Variants in BARX2 observed in about 807,000 individuals in gnomAD.
BARX2 encodes the protein BARX homeobox 2, also known as homeobox protein BarH-like 2.
In BARX2, 11 loss-of-function variants were observed where a neutral mutation model predicts 25.5. The ratio of observed to expected loss-of-function variants is 0.43; its 90% CI spans 0.27 to 0.71. The LOEUF (loss-of-function observed/expected upper bound fraction) is 0.71. BARX2 is among the 30% of genes least tolerant of loss of function. The pLI is 0.19. For missense variants in BARX2, 360 were observed against 359.9 expected (o/e 1.00, Z 0.00); for synonymous variants, 137 against 149.5 (o/e 0.92, Z 0.61).
At chr11:129,416,774 G>A (rs1302637169) in intron 1 of BARX2, among the ~76,000 whole-genome samples, 2 of 151,688 alleles carry the variant, frequency 1.3e-5, no homozygotes, top group South Asian at 2.1e-4. Context: ...CTGGATGGAT[G>A]GTTTCCACTG....
At chr11:129,437,733 AGT>A (rs1426283348) in intron 2 of BARX2, 1 of 153,430 alleles carries the variant, frequency 6.5e-6, no homozygotes, top group African/African-American at 2.4e-5. Flanking sequence ...CATATGCCAG[AGT>A]GTGTGTCTGG....
chr11:129,392,804 TC>T (rs1248710737), intron 1 of BARX2, among the ~76,000 whole-genome samples: 4 of 151,778 alleles, frequency 2.6e-5, no homozygotes, highest in African/African-American at 9.7e-5. Flanking sequence ...AGAGACGGGG[TC>T]TTGTCATGTT....
intron 1 of BARX2, among the ~76,000 whole-genome samples, chr11:129,396,594 C>G (rs1861723608): frequency 6.6e-6 from 1 of 151,872 alleles, no homozygotes; most frequent in South Asian, 2.1e-4. Context: ...TGGTTCATTT[C>G]AAGTTAATCT....
chr11:129,399,020 G>A (rs112947644), intron 1 of BARX2, among the ~76,000 whole-genome samples: 3 of 152,276 alleles, frequency 2.0e-5, no homozygotes, highest in African/African-American at 4.8e-5. Flanking sequence ...GCAGTTCAAC[G>A]TAGGGATATT....
At chr11:129,379,095 T>C (rs901672996) in intron 1 of BARX2, among the ~76,000 whole-genome samples, 3 of 152,226 alleles carry the variant, frequency 2.0e-5, no homozygotes, top group Non-Finnish European at 4.4e-5. Flanking sequence ...AACACAATAA[T>C]TTTAGTCTTG....
At chr11:129,403,935 A>C (rs1365654316) in intron 1 of BARX2, among the ~76,000 whole-genome samples, 2 of 152,174 alleles carry the variant, frequency 1.3e-5, no homozygotes, top group Non-Finnish European at 2.9e-5. Context: ...TATGTTGCCC[A>C]GGCTAACTAG....
chr11:129,410,893 C>T lies in BARX2; in HGVS notation c.188-25858C>T, dbSNP rs1042751522. Among the ~76,000 whole-genome samples the T allele has an allele frequency of 5.3e-5, 8 of 152,222 alleles. No homozygotes were observed. In the East Asian group the frequency reaches 5.8e-4, roughly 11 times the overall value. ...GTCCAGACCCTCTTCAGATCCTGAA[C>T]TATTGAGATCATGTTCTCCTCACAG... On this transcript the variant is annotated intron_variant, in intron 1 of 3. Transcript: ENST00000281437.
intron 1 of BARX2, among the ~76,000 whole-genome samples, chr11:129,411,363 T>G (rs11823272): frequency 0.16 from 20,192 of 122,416 alleles, 1,633 homozygotes; most frequent in East Asian, 0.39. Context: ...AGAGTGAGAC[T>G]CCATCTCCAA....
intron 1 of BARX2, among the ~76,000 whole-genome samples, chr11:129,387,968 A>G (rs955443986): frequency 6.6e-6 from 1 of 152,186 alleles, no homozygotes; most frequent in Non-Finnish European, 1.5e-5. Flanking sequence ...GGTCACACGA[A>G]TAAGTGGCAG....
At chr11:129,406,079 T>C (rs539560926) in intron 1 of BARX2, among the ~76,000 whole-genome samples, 32 of 152,358 alleles carry the variant, frequency 2.1e-4, no homozygotes, top group African/African-American at 7.0e-4. Context: ...CTACTGAGCA[T>C]AGCACAGTGC....
At chr11:129,413,998 A>G (rs1197387138) in intron 1 of BARX2, among the ~76,000 whole-genome samples, 2 of 151,810 alleles carry the variant, frequency 1.3e-5, no homozygotes, top group Admixed American at 6.6e-5. Flanking sequence ...CCTGGGAGGC[A>G]GAGCTTGCAG....
At chr11:129,384,773 T>A (rs1246763478) in intron 1 of BARX2, among the ~76,000 whole-genome samples, 8 of 152,220 alleles carry the variant, frequency 5.3e-5, no homozygotes, top group African/African-American at 1.9e-4. Flanking sequence ...CTTTATACCC[T>A]AAACCATATT....
At chr11:129,375,543 C>G (rs955094815), upstream of BARX2, among the ~76,000 whole-genome samples, 1 of 151,974 alleles carries the variant, frequency 6.6e-6, no homozygotes, top group African/African-American at 2.4e-5. The surrounding 1 kb of genome is among the most constrained non-coding windows in gnomAD (Gnocchi z 4.0). Context: ...TGCGCGCTCC[C>G]CGCACCGCGC....
intron 1 of BARX2, among the ~76,000 whole-genome samples, chr11:129,426,245 T>C (rs1862061258): frequency 6.6e-6 from 1 of 152,138 alleles, no homozygotes; most frequent in South Asian, 2.1e-4. Flanking sequence ...GGCTTACAGA[T>C]TATGCGTATG....
intron 1 of BARX2, among the ~76,000 whole-genome samples, chr11:129,408,237 C>T (rs1335773314): frequency 6.6e-6 from 1 of 152,016 alleles, no homozygotes; most frequent in African/African-American, 2.4e-5. Context: ...AAGATATATT[C>T]GGTTCTGTTG....
At chr11:129,388,431 G>A (rs1460014541) in intron 1 of BARX2, among the ~76,000 whole-genome samples, 4 of 152,126 alleles carry the variant, frequency 2.6e-5, no homozygotes, top group African/African-American at 4.8e-5. Flanking sequence ...TCTGGGTCAC[G>A]GTGCTTCCAT....
intron 1 of BARX2, among the ~76,000 whole-genome samples, chr11:129,387,624 A>G (rs1861628450): frequency 6.6e-6 from 1 of 152,204 alleles, no homozygotes; most frequent in Non-Finnish European, 1.5e-5. Flanking sequence ...CTCATTAATG[A>G]ACCTCAGCAC....
chr11:129,431,110 C>T (rs1862124003), intron 1 of BARX2, among the ~76,000 whole-genome samples: 1 of 152,210 alleles, frequency 6.6e-6, no homozygotes, highest in Non-Finnish European at 1.5e-5. Context: ...GATCTACCAC[C>T]TCGGCCTCCC....
intron 3 of BARX2, among the ~76,000 whole-genome samples, chr11:129,448,262 A>G (rs1862354833): frequency 6.6e-6 from 1 of 152,222 alleles, no homozygotes; most frequent in Non-Finnish European, 1.5e-5. Flanking sequence ...GCAAAAGCAC[A>G]AGCAACAGAA....
Sources: gnomAD v4.1 joint callset for allele counts (sites outside exome capture counted in the v4.1 genomes callset) on GRCh38, gnomAD v4.1.1 for gene constraint, Gnocchi (gnomAD v3.1) non-coding constraint, MANE v1.5 for transcripts, NCBI Gene and HGNC (gene_info 2026-07-23, HGNC 2026-07-21) for gene names.